Variants in VPS41 observed in about 807,000 individuals in gnomAD.
The protein encoded by VPS41 is vacuolar protein sorting-associated protein 41 homolog.
In VPS41, 85 loss-of-function variants were observed where a neutral mutation model predicts 130.9. That is an observed-to-expected ratio of 0.65 (90% CI 0.55 to 0.78). VPS41 has a LOEUF of 0.78. Among genes scored for constraint, VPS41 ranks in the 30% least tolerant of loss-of-function variants. The pLI is 0.00. For synonymous variants in VPS41, 335 were observed against 332.9 expected, an observed-to-expected ratio of 1.01 and a Z score of -0.07; for missense variants, 874 against 1,018.7, an observed-to-expected ratio of 0.86 and a Z score of 1.93.
intron 7 of VPS41, among the ~76,000 whole-genome samples, chr7:38,803,179 T>A (rs1197890591): frequency 6.6e-6 from 1 of 152,246 alleles, no homozygotes; most frequent in Non-Finnish European, 1.5e-5. Flanking sequence ...CTCCCACATG[T>A]GTGGCAAGAT....
rs200742820 is a variant in VPS41, at chr7:38,728,568, G to A, written c.2378C>T (p.Ser793Leu). The A allele has an allele frequency of 4.0e-5, 64 of 1,614,080 alleles. No homozygotes were observed. The highest frequency in any genetic ancestry group is 1.0e-4 in the Admixed American group (6 of 60,022). Residue 793 changes from serine to leucine, a missense_variant, in exon 27 of 29, where the codon TCG becomes TTG. Ser to Leu is a moderately radical substitution (Grantham distance 145). Transcript: ENST00000310301. ...VLVDEENICESCLSPILPSDA... is the reference protein window; with the variant it reads ...VLVDEENICELCLSPILPSDA... ...TGATGGAAGAATAGGGGAAAGGCAC[G>A]ACTCACAGATGTTCTCCTCTGTAAG...
At chr7:38,858,638 A>T (rs1250384193) in intron 4 of VPS41, among the ~76,000 whole-genome samples, 2 of 152,206 alleles carry the variant, frequency 1.3e-5, no homozygotes, top group African/African-American at 2.4e-5. Context: ...ATGGAGCTGG[A>T]AAATTCCTAA....
chr7:38,764,966 C>T (rs943141507), intron 16 of VPS41, among the ~76,000 whole-genome samples: 2 of 152,032 alleles, frequency 1.3e-5, no homozygotes, highest in Non-Finnish European at 2.9e-5. Context: ...ACAGGGCAGA[C>T]AGGAGGAGTC....
In VPS41 at chr7:38,813,431, C is replaced by T. The variant is rs190712831; in HGVS notation, c.450+4386G>A. Among the ~76,000 whole-genome samples the T allele has an allele frequency of 7.4e-4, 112 of 152,114 alleles. 1 individual carries two copies. Among genetic ancestry groups the T allele is most frequent in the Non-Finnish European group, 1.3e-3 (86 of 67,976 alleles). The stretch of plus-strand genomic sequence containing the variant: ...TTCTTTTTGGGGTGACGGAAGTGTT[C>T]TAAAATTAGCTTACGTTGATGGTTA... On this transcript the variant is annotated intron_variant, in intron 7 of 28. Transcript: ENST00000310301.
At chr7:38,868,819 T>C (rs1423485800) in intron 3 of VPS41, among the ~76,000 whole-genome samples, 6 of 152,212 alleles carry the variant, frequency 3.9e-5, no homozygotes, top group African/African-American at 1.4e-4. Context: ...TTATTTCTAA[T>C]CTTAACAGGT....
intron 22 of VPS41, among the ~76,000 whole-genome samples, chr7:38,751,743 C>A (rs1783677087): frequency 6.6e-6 from 1 of 152,150 alleles, no homozygotes; most frequent in Non-Finnish European, 1.5e-5. Context: ...AGATAGGATG[C>A]AGGACCTAAG....
At chr7:38,758,209 A>T in intron 18 of VPS41, 145 bp downstream of exon 18, 1 of 679,998 alleles carries the variant, frequency 1.5e-6, no homozygotes, top group Non-Finnish European at 2.4e-6. Flanking sequence ...TACTCATTTG[A>T]GGTTTATGAG....
chr7:38,769,042 A>G (rs925791437), intron 14 of VPS41, among the ~76,000 whole-genome samples: 3 of 152,152 alleles, frequency 2.0e-5, no homozygotes, highest in Non-Finnish European at 4.4e-5. Flanking sequence ...TCCCTACAAC[A>G]TGTTCAGAAT....
chr7:38,877,188 G>GT (rs1786510589), intron 2 of VPS41, among the ~76,000 whole-genome samples: 1 of 152,148 alleles, frequency 6.6e-6, no homozygotes, highest in Admixed American at 6.5e-5. Context: ...AACGTATGTA[G>GT]TAACAGCAGA....
intron 9 of VPS41, 67 bp downstream of exon 9, chr7:38,795,398 A>G: frequency 7.1e-7 from 1 of 1,411,502 alleles, no homozygotes; most frequent in Middle Eastern, 1.9e-4. Context: ...CAAGACTCAC[A>G]GTCCTTTGGA....
chr7:38,896,103 A>T (rs1020841035), intron 2 of VPS41, among the ~76,000 whole-genome samples: 1 of 151,834 alleles, frequency 6.6e-6, no homozygotes, highest in African/African-American at 2.4e-5. Context: ...GCTTTTATTT[A>T]CTCTTTGTTG....
intron 16 of VPS41, 123 bp from the exon 17 acceptor site, chr7:38,763,670 A>C: frequency 1.8e-6 from 1 of 545,924 alleles, no homozygotes; most frequent in South Asian, 3.5e-5. Context: ...CAGTACTCTG[A>C]AAAAAATGTT....
At chr7:38,862,950 T>C (rs983830522) in intron 3 of VPS41, among the ~76,000 whole-genome samples, 4 of 152,162 alleles carry the variant, frequency 2.6e-5, no homozygotes, top group Non-Finnish European at 5.9e-5. Flanking sequence ...ACGACCAACC[T>C]ACAGTTGAAC....
chr7:38,849,756 T>A (rs921347542), intron 4 of VPS41, among the ~76,000 whole-genome samples: 24 of 152,244 alleles, frequency 1.6e-4, no homozygotes, highest in African/African-American at 5.8e-4. Flanking sequence ...AGGGGTTTTA[T>A]AGGCACAGGA....
intron 2 of VPS41, among the ~76,000 whole-genome samples, chr7:38,881,464 C>A (rs1408173175): frequency 6.6e-6 from 1 of 152,206 alleles, no homozygotes; most frequent in African/African-American, 2.4e-5. Flanking sequence ...GACATATTCA[C>A]AGGTTCCAGG....
At chr7:38,838,289 A>C (rs1222970338) in intron 4 of VPS41, among the ~76,000 whole-genome samples, 1 of 152,226 alleles carries the variant, frequency 6.6e-6, no homozygotes, top group African/African-American at 2.4e-5. Flanking sequence ...CCAAACATAG[A>C]GGGAAACCTT....
chr7:38,752,661 C>CTTA (rs1440745538), intron 21 of VPS41, among the ~76,000 whole-genome samples: 2 of 152,178 alleles, frequency 1.3e-5, no homozygotes, highest in African/African-American at 4.8e-5. Flanking sequence ...AACCAATGAA[C>CTTA]TTAGCATACA....
intron 7 of VPS41, among the ~76,000 whole-genome samples, chr7:38,803,124 G>A (rs1035410905): frequency 1.2e-4 from 19 of 152,140 alleles, no homozygotes; most frequent in African/African-American, 4.6e-4. Context: ...TCTATCTAGT[G>A]CTTTCCTACT....
intron 5 of VPS41, among the ~76,000 whole-genome samples, chr7:38,829,296 T>G (rs1226277065): frequency 1.3e-5 from 2 of 152,228 alleles, no homozygotes; most frequent in African/African-American, 4.8e-5. Context: ...AGAGACTTCA[T>G]GTTGCTTTTT....
Sources: allele counts gnomAD v4.1 joint callset (sites outside exome capture counted in the v4.1 genomes callset), GRCh38; gene constraint gnomAD v4.1.1; transcripts MANE v1.5; gene names NCBI Gene and HGNC (gene_info 2026-07-23, HGNC 2026-07-21).